COL4A1: variants seen among roughly 807,000 people sequenced by gnomAD.
COL4A1 encodes collagen alpha-1(IV) chain.
COL4A1 carries 40 observed loss-of-function variants against 216.6 expected under a neutral mutation model. The ratio of observed to expected loss-of-function variants is 0.18; its 90% CI spans 0.14 to 0.24. COL4A1 has a LOEUF of 0.24. Ranked by LOEUF, COL4A1 falls within the 10% of genes least tolerant of loss-of-function variation. COL4A1 has a pLI of 1.00. For synonymous variants in COL4A1, 839 were observed against 810.7 expected (o/e 1.03, Z -0.59); for missense variants, 1,628 against 2,196.8 (o/e 0.74, Z 5.18).
chr13:110,151,954 A>G (rs1876518593), intron 51 of COL4A1, among the ~76,000 whole-genome samples: 1 of 152,222 alleles, frequency 6.6e-6, no homozygotes, highest in Non-Finnish European at 1.5e-5. Context: ...CAAAGTGTAC[A>G]TTACGATCAG....
intron 3 of COL4A1, 30 bp downstream of exon 3, chr13:110,213,896 A>C (rs1350577891): frequency 6.2e-7 from 1 of 1,611,704 alleles, no homozygotes; most frequent in East Asian, 2.2e-5. Context: ...TCTTACATCC[A>C]CCCACCCCCA....
chr13:110,253,283 GTATTACATATACATATAATTATAT>G, intron 1 of COL4A1, among the ~76,000 whole-genome samples: 1 of 118,426 alleles, frequency 8.4e-6, no homozygotes, highest in Non-Finnish European at 1.7e-5. Context: ...ATAATTATAT[GTATTACATATACATATAATTATAT>G]GTATTACATA....
chr13:110,256,013 T>G (rs1882546184), intron 1 of COL4A1, among the ~76,000 whole-genome samples: 2 of 152,070 alleles, frequency 1.3e-5, no homozygotes, highest in Admixed American at 1.3e-4. Context: ...AGCTGGTAAT[T>G]CTACTGTCAA....
Position 110,165,016 on chromosome 13 carries a change from C to A in COL4A1, c.4022-26G>T. The A allele has an allele frequency of 1.9e-6, 3 of 1,597,644 alleles. No homozygotes were observed. The South Asian group carries it at 3.4e-5, about 18-fold the overall frequency. ...CTGTGGGAATAGGGAAGGCATTGATCAATTTCACTGTCCACATACTGGGGC... is the reference window on the plus strand; with the variant it reads ...CTGTGGGAATAGGGAAGGCATTGATAAATTTCACTGTCCACATACTGGGGC... On this transcript the variant is annotated intron_variant, in intron 45 of 51. Transcript: ENST00000375820.
rs1045627225 is a variant in COL4A1 at position 110,206,907 on chromosome 13, A to G, written c.781-16T>C. On this transcript the variant is annotated splice_polypyrimidine_tract_variant and intron_variant, in intron 13 of 51. Coordinates refer to ENST00000375820, the MANE Select transcript of COL4A1 (RefSeq NM_001845.6). ...CTTTTTGGCCCTGAAAGAATTCGAG[A>G]GACAGATCAGCACTATCAAACAGCT... The G allele has an allele frequency of 7.4e-6, 12 of 1,614,040 alleles. No individual in the cohort carries two copies. Among genetic ancestry groups the G allele is most frequent in the Non-Finnish European group, 1.0e-5 (12 of 1,179,940 alleles).
intron 25 of COL4A1, 69 bp downstream of exon 25, chr13:110,187,069 T>C (rs1315349085): frequency 1.3e-6 from 2 of 1,556,576 alleles, no homozygotes; most frequent in East Asian, 2.2e-5. Flanking sequence ...TGATTCAAAT[T>C]ACTCATTTCT....
intron 1 of COL4A1, among the ~76,000 whole-genome samples, chr13:110,293,491 T>G (rs549571365): frequency 6.6e-6 from 1 of 152,334 alleles, no homozygotes; most frequent in East Asian, 1.9e-4. Flanking sequence ...GTATTAAAAA[T>G]TTGACATTAT....
intron 1 of COL4A1, among the ~76,000 whole-genome samples, chr13:110,293,673 C>T (rs1459613483): frequency 1.3e-5 from 2 of 152,180 alleles, no homozygotes; most frequent in Non-Finnish European, 2.9e-5. Flanking sequence ...TTTAAGAAGA[C>T]AATTGCCAAT....
intron 26 of COL4A1, among the ~76,000 whole-genome samples, chr13:110,184,694 G>A (rs1311886406): frequency 7.2e-6 from 1 of 138,494 alleles, no homozygotes; most frequent in Non-Finnish European, 1.6e-5. Flanking sequence ...GTGTGTGTGT[G>A]TGTGTGTGTT....
intron 1 of COL4A1, among the ~76,000 whole-genome samples, chr13:110,246,857 G>A (rs1007077993): frequency 1.3e-5 from 2 of 152,110 alleles, no homozygotes; most frequent in Non-Finnish European, 2.9e-5. Flanking sequence ...TGCCTGTGTT[G>A]TGCTCCTGTG....
Position 110,306,971 on chromosome 13 carries a change from G to A in COL4A1, c.57C>T (p.His19=). The stretch of plus-strand genomic sequence containing the variant: ...TCGCAGCGGCCCGGCTGTGCTCCTC[G>A]TGGAGCAGAAGGGCGGCGGGCAGCA... ...LLLLPAALLL[H]EEHSRAAAKG... Residue 19 remains histidine (H), a synonymous_variant, in exon 1 of 52, where the codon CAC becomes CAT. Transcript: ENST00000375820. The A allele has an allele frequency of 6.8e-7, 1 of 1,475,912 alleles. No homozygotes were observed. Among genetic ancestry groups the A allele is most frequent in the Non-Finnish European group, 8.9e-7 (1 of 1,118,776 alleles). The allele number at this position is 1,475,912 out of a possible 1,614,324, so 91.4% of individuals were successfully genotyped here.
intron 39 of COL4A1, 83 bp downstream of exon 39, chr13:110,174,363 G>A (rs1877778951): frequency 1.3e-5 from 20 of 1,483,994 alleles, no homozygotes; most frequent in Non-Finnish European, 1.7e-5. Context: ...CTCCCCGTCT[G>A]TGATGGGAAC....
chr13:110,170,022 GGGAA>G (rs1019759827), intron 42 of COL4A1, among the ~76,000 whole-genome samples: 7 of 142,636 alleles, frequency 4.9e-5, no homozygotes, highest in Admixed American at 2.8e-4. Flanking sequence ...AGGAAGGTCT[GGGAA>G]GGAAGGAAGG....
chr13:110,238,861 C>T (rs1594079817), intron 2 of COL4A1, among the ~76,000 whole-genome samples: 1 of 152,168 alleles, frequency 6.6e-6, no homozygotes, highest in East Asian at 1.9e-4. Context: ...TTCCTACTAT[C>T]TTAAATACTT....
At chr13:110,250,854 A>T (rs1882042456) in intron 1 of COL4A1, among the ~76,000 whole-genome samples, 1 of 152,170 alleles carries the variant, frequency 6.6e-6, no homozygotes, top group Non-Finnish European at 1.5e-5. Flanking sequence ...CTCCCAAACC[A>T]AGTGTCAGCT....
At chr13:110,216,269 C>T (rs1454201923) in intron 2 of COL4A1, among the ~76,000 whole-genome samples, 1 of 152,176 alleles carries the variant, frequency 6.6e-6, no homozygotes, top group South Asian at 2.1e-4. Flanking sequence ...TCCTTAAATA[C>T]ACCCTGCAGT....
intron 47 of COL4A1, among the ~76,000 whole-genome samples, chr13:110,163,020 A>C (rs755541506): frequency 6.6e-6 from 1 of 152,238 alleles, no homozygotes; most frequent in East Asian, 1.9e-4. Flanking sequence ...TCAATTAGTC[A>C]GTGGCCTCAG....
chr13:110,155,138 T>G (rs1210058081), intron 50 of COL4A1, 145 bp downstream of exon 50: 2 of 727,352 alleles, frequency 2.7e-6, no homozygotes, highest in African/African-American at 1.7e-5. Flanking sequence ...GAGGCATGCT[T>G]TGGAAGGGGA....
rs368346769 is a variant in COL4A1, at chr13:110,207,536, G to T, written c.694-47C>A. On this transcript the variant is annotated intron_variant, in intron 12 of 51. Coordinates refer to ENST00000375820, the MANE Select transcript of COL4A1 (RefSeq NM_001845.6). The surrounding 1 kb of genome is among the most constrained non-coding windows in gnomAD (Gnocchi z 4.4). ...ATTAATTAGGCATGAAAACAATTAT[G>T]CAGACATGAAAAATTGCAGAGAGAG... The T allele has an allele frequency of 1.3e-6, 2 of 1,494,476 alleles. No homozygotes were observed. Among genetic ancestry groups the T allele is most frequent in the Non-Finnish European group, 1.9e-6 (2 of 1,072,224 alleles). 92.6% of individuals were successfully genotyped at this position (1,494,476 alleles called of 1,614,324 possible).
Sources: gnomAD v4.1 joint callset for allele counts (sites outside exome capture counted in the v4.1 genomes callset) on GRCh38, gnomAD v4.1.1 for gene constraint, Gnocchi (gnomAD v3.1) non-coding constraint, MANE v1.5 for transcripts, NCBI Gene and HGNC (gene_info 2026-07-23, HGNC 2026-07-21) for gene names.